Variants in GEMIN5 observed in about 807,000 individuals in gnomAD.
GEMIN5 encodes the protein gem nuclear organelle associated protein 5, also known as gem-associated protein 5.
In GEMIN5, 124 loss-of-function variants were observed where a neutral mutation model predicts 176.9. The ratio of observed to expected loss-of-function variants is 0.70; its 90% CI spans 0.61 to 0.81. The LOEUF (loss-of-function observed/expected upper bound fraction) is 0.81, where lower values mean the gene tolerates loss of function less well. Ranked by LOEUF, GEMIN5 falls within the 40% of genes least tolerant of loss-of-function variation. The probability of loss-of-function intolerance (pLI) is 0.00; values close to 1 mark genes in which losing one functional copy is unlikely to be tolerated. For synonymous variants in GEMIN5, 673 were observed against 665.2 expected (o/e 1.01, Z -0.18); for missense variants, 1,843 against 1,814.6 (o/e 1.02, Z -0.28).
intron 13 of GEMIN5, 116 bp from the exon 14 acceptor site, chr5:154,913,154 A>G: frequency 2.2e-6 from 2 of 897,524 alleles, no homozygotes; most frequent in Non-Finnish European, 3.3e-6. Context: ...TACACTTTCT[A>G]GGTTATTTTT....
At chr5:154,922,310 G>T (rs571513185) in intron 9 of GEMIN5, among the ~76,000 whole-genome samples, 45 of 152,230 alleles carry the variant, frequency 3.0e-4, no homozygotes, top group Admixed American at 2.7e-3. Context: ...TGGGACTACA[G>T]GCACCTGCCA....
At position 154,898,473 on chromosome 5, in the gene GEMIN5, G is replaced by A; in HGVS notation, c.3312C>T (p.Ala1104=). 1 of 1,614,096 alleles carries A rather than the reference G, an allele frequency of 6.2e-7. No individual in the cohort carries two copies. The highest frequency in any genetic ancestry group is 8.5e-7 in the Non-Finnish European group (1 of 1,179,998). ...ELLLANNWVG[A]QEALQLHESL... is the part of the protein sequence containing the mutation. Reference sequence around the variant, plus strand: ...TTTCATGCAGCTGCAGGGCTTCCTGGGCTCCCACCCAGTTGTTGGCCAGAA... The same window carrying A: ...TTTCATGCAGCTGCAGGGCTTCCTGAGCTCCCACCCAGTTGTTGGCCAGAA... The change falls in exon 23 of 28, where the codon GCC becomes GCT. Residue 1104 remains alanine, a synonymous_variant. Coordinates refer to ENST00000285873, the MANE Select transcript of GEMIN5 (RefSeq NM_015465.5).
rs372066278 is a variant in GEMIN5, at chr5:154,923,381, C to CA, written c.1379+1087dup. On this transcript the variant is annotated intron_variant, in intron 9 of 27. Transcript: ENST00000285873. The stretch of plus-strand genomic sequence containing the variant: ...GGCAAGAAGAGCGAAACTCTGTCTC[C>CA]AAAAAAAAAAGGACAGCTCTGCAGT... Among the ~76,000 whole-genome samples the CA allele has an allele frequency of 5.7e-3, 823 of 143,892 alleles. 4 individuals are homozygous for CA. Among genetic ancestry groups the CA allele is most frequent in the African/African-American group, 0.019 (762 of 39,364 alleles). 94.4% of individuals were successfully genotyped at this position (143,892 alleles called of 152,430 possible).
intron 15 of GEMIN5, among the ~76,000 whole-genome samples, chr5:154,908,208 T>A (rs1228876082): frequency 7.3e-6 from 1 of 136,388 alleles, no homozygotes; most frequent in Non-Finnish European, 1.5e-5. Context: ...TGGAGATGGT[T>A]TCGCTCTTCT....
At chr5:154,922,198 C>T (rs1171798184) in intron 9 of GEMIN5, among the ~76,000 whole-genome samples, 1 of 152,146 alleles carries the variant, frequency 6.6e-6, no homozygotes, top group Non-Finnish European at 1.5e-5. Flanking sequence ...GACGGAGTCT[C>T]GCTCTGTCAC....
intron 15 of GEMIN5, 23 bp downstream of exon 15, chr5:154,911,704 A>C: frequency 6.3e-7 from 1 of 1,588,882 alleles, no homozygotes; most frequent in Non-Finnish European, 8.6e-7. Context: ...AAAGAATTAG[A>C]TAAGCTCTAG....
rs564287094 is a variant in GEMIN5 at position 154,912,853 on chromosome 5, T to C, written c.1995+46A>G. 3.3e-6 allele frequency: 5 copies of C among 1,517,388 alleles called. No homozygotes were observed. The South Asian group carries it at 4.9e-5, about 15-fold the overall frequency. The allele number at this position is 1,517,388 out of a possible 1,614,324, so 94.0% of individuals were successfully genotyped here. On this transcript the variant is annotated intron_variant, in intron 14 of 27. Coordinates refer to ENST00000285873, the MANE Select transcript of GEMIN5 (RefSeq NM_015465.5). ...TGGGGGAAAAGAAGAAAGAATTTGT[T>C]AGAGTACACAGTGAAGGACCCACAG...
intron 27 of GEMIN5, 104 bp downstream of exon 27, chr5:154,889,217 T>A: frequency 1.5e-6 from 1 of 684,984 alleles, no homozygotes. Flanking sequence ...GGTAGAGATT[T>A]TAGAAACTGA....
chr5:154,890,175 C>T (rs1431713580), intron 26 of GEMIN5, among the ~76,000 whole-genome samples: 4 of 152,206 alleles, frequency 2.6e-5, no homozygotes, highest in Admixed American at 1.3e-4. Context: ...AGTGCTGCTT[C>T]ACTGTAGTTT....
intron 26 of GEMIN5, 110 bp downstream of exon 26, chr5:154,891,131 G>C: frequency 2.5e-6 from 2 of 795,720 alleles, no homozygotes; most frequent in Admixed American, 6.3e-5. Context: ...CCTGGGCCAA[G>C]TGATCCTCCT....
Position 154,916,980 on chromosome 5 carries a change from G to A in GEMIN5, c.1855+18C>T. 6.9e-7 allele frequency: 1 copy of A among 1,450,150 alleles called. No individual in the cohort carries two copies. 89.8% of individuals were successfully genotyped at this position (1,450,150 alleles called of 1,614,324 possible). On this transcript the variant is annotated intron_variant, in intron 13 of 27. Coordinates refer to ENST00000285873, the MANE Select transcript of GEMIN5 (RefSeq NM_015465.5). ...GAACAAACGATATCATCCCCAGTAT[G>A]AAAGAAACCAAAGTTACCTATGACA...
chr5:154,931,068 A>G (rs558810336), intron 5 of GEMIN5, among the ~76,000 whole-genome samples: 40 of 152,362 alleles, frequency 2.6e-4, no homozygotes, highest in African/African-American at 9.4e-4. Context: ...ACATAATTCT[A>G]TGCTGGGTGT....
chr5:154,901,249 T>C (rs908893405), intron 21 of GEMIN5, 90 bp downstream of exon 21: 5 of 1,236,962 alleles, frequency 4.0e-6, no homozygotes, highest in Middle Eastern at 1.9e-4. Flanking sequence ...GAGGACTGTT[T>C]CTTCTATTTA....
chr5:154,889,980 C>A (rs1763190346), intron 26 of GEMIN5, among the ~76,000 whole-genome samples: 1 of 152,152 alleles, frequency 6.6e-6, no homozygotes, highest in Non-Finnish European at 1.5e-5. Flanking sequence ...GGGTGTATAC[C>A]CAGATGTGGA....
At position 154,911,811 on chromosome 5, in the gene GEMIN5, G is replaced by T. The variant is rs1763705883; in HGVS notation, c.2083C>A (p.Pro695Thr). The T allele has an allele frequency of 6.2e-7, 1 of 1,613,606 alleles. No individual in the cohort carries two copies. Among genetic ancestry groups the T allele is most frequent in the Admixed American group, 1.7e-5 (1 of 59,992 alleles). Residue 695 changes from proline to threonine, a missense_variant, in exon 15 of 28, where the codon CCA becomes ACA. By Grantham distance (38) the Pro-to-Thr change is conservative (BLOSUM62 -1). Coordinates refer to ENST00000285873, the MANE Select transcript of GEMIN5 (RefSeq NM_015465.5). ...LLCVAWSPLD[P>T]DCIYSGADDF... ...TCTGCCCCTGAATAGATGCAGTCTG[G>T]ATCCAAAGGAGACCATGCCACACAA...
rs376828802 is a variant in GEMIN5, at chr5:154,925,937, T to C, written c.1218A>G (p.Val406=). The C allele has an allele frequency of 1.2e-6, 2 of 1,613,936 alleles. No homozygotes were observed. Among genetic ancestry groups the C allele is most frequent in the Non-Finnish European group, 1.7e-6 (2 of 1,179,798 alleles). ...AIGVGDGMIR[V]WNTLSIKNNY... ...TGTTCTTTATGGAGAGTGTATTCCA[T>C]ACACGGATCATGCCATCCCCAACAC... The change falls in exon 8 of 28, where the codon GTA becomes GTG. Residue 406 remains valine (V), a synonymous_variant. Coordinates refer to ENST00000285873, the MANE Select transcript of GEMIN5 (RefSeq NM_015465.5).
chr5:154,920,096 T>C lies in GEMIN5; in HGVS notation c.1470A>G (p.Glu490=). The change falls in exon 11 of 28, where the codon GAA becomes GAG. Residue 490 remains glutamate, a synonymous_variant. Transcript: ENST00000285873. The part of the protein sequence containing the change: ...PPVPPMSLGG[E]GDRPSLALYS... ...ATAAAGCAAGGGAAGGTCTGTCTCCTTCTCCTCCTGTATGAAATAAGAAAA... is the reference window on the plus strand; with the variant it reads ...ATAAAGCAAGGGAAGGTCTGTCTCCCTCTCCTCCTGTATGAAATAAGAAAA... 2 of 1,608,614 alleles carry C rather than the reference T, an allele frequency of 1.2e-6. No homozygotes were observed. Among genetic ancestry groups the C allele is most frequent in the Non-Finnish European group, 1.7e-6 (2 of 1,177,968 alleles).
In GEMIN5 at chr5:154,911,918, G is replaced by T; in HGVS notation, c.1996-20C>A. 6.2e-7 allele frequency: 1 copy of T among 1,603,100 alleles called. No homozygotes were observed. The highest frequency in any genetic ancestry group is 8.5e-7 in the Non-Finnish European group (1 of 1,174,976). The stretch of plus-strand genomic sequence containing the variant: ...CCACACCTAAACCCAAAAGCACATG[G>T]CCGAAAAGACATTTTCTGGTTATTC... On this transcript the variant is annotated intron_variant, in intron 14 of 27. Transcript: ENST00000285873.
At position 154,891,538 on chromosome 5, in the gene GEMIN5, C is replaced by T. The variant is rs183163334; in HGVS notation, c.3965G>A (p.Ser1322Asn). Residue 1322 changes from serine (S) to asparagine (N), a missense_variant, in exon 26 of 28, where the codon AGC becomes AAC. By Grantham distance (46) the Ser-to-Asn change is conservative (BLOSUM62 1). Transcript: ENST00000285873. ...AGTTTCAGGGTCCGTTTCTTCAGTG[C>T]TGGCAGTGTCTAACTGCTGGCTTGG... ...VEPSQQLDTA[S>N]TEETDPETSQ... The T allele has an allele frequency of 5.0e-6, 8 of 1,614,158 alleles. No homozygotes were observed. In the African/African-American group the frequency reaches 6.7e-5, roughly 13 times the overall value.
Sources: allele counts gnomAD v4.1 joint callset (sites outside exome capture counted in the v4.1 genomes callset), GRCh38; gene constraint gnomAD v4.1.1; transcripts MANE v1.5; gene names NCBI Gene and HGNC (gene_info 2026-07-23, HGNC 2026-07-21).